The following CDH12 variants were observed in gnomAD, a reference collection of about 807,000 sequenced individuals.
The protein encoded by CDH12 is cadherin 12.
In CDH12, 41 loss-of-function variants were observed where a neutral mutation model predicts 74.1. That is an observed-to-expected ratio of 0.55 (90% confidence interval 0.43 to 0.72). CDH12 has a LOEUF of 0.72. Ranked by LOEUF, CDH12 falls within the 30% of genes least tolerant of loss-of-function variation. The probability of loss-of-function intolerance (pLI) is 0.00; values close to 1 mark genes in which losing one functional copy is unlikely to be tolerated. For synonymous variants in CDH12, 399 were observed against 355.0 expected (o/e 1.12, Z -1.39); for missense variants, 945 against 977.2 (o/e 0.97, Z 0.44).
intron 6 of CDH12, among the ~76,000 whole-genome samples, chr5:21,919,818 G>GA (rs1754271245): frequency 6.6e-6 from 1 of 152,130 alleles, no homozygotes; most frequent in African/African-American, 2.4e-5. Flanking sequence ...ATTCAGCATT[G>GA]ACAGACCTTC....
chr5:22,417,505 G>A (rs1321545596), intron 2 of CDH12, among the ~76,000 whole-genome samples: 2 of 152,188 alleles, frequency 1.3e-5, no homozygotes, highest in African/African-American at 4.8e-5. Flanking sequence ...GTAGCAAGAA[G>A]GCCCTCGCCA....
At chr5:22,321,814 C>T (rs979998575) in intron 3 of CDH12, among the ~76,000 whole-genome samples, 1 of 151,932 alleles carries the variant, frequency 6.6e-6, no homozygotes, top group Non-Finnish European at 1.5e-5. Flanking sequence ...TCCAGAATAG[C>T]AAGCAGCAAC....
intron 4 of CDH12, among the ~76,000 whole-genome samples, chr5:22,185,430 T>C (rs1232379218): frequency 6.6e-6 from 1 of 152,044 alleles, no homozygotes; most frequent in East Asian, 1.9e-4. Flanking sequence ...GATTCACATA[T>C]CAAGGCATGT....
At chr5:21,951,969 A>C (rs1272648661) in intron 6 of CDH12, among the ~76,000 whole-genome samples, 2 of 152,182 alleles carry the variant, frequency 1.3e-5, no homozygotes, top group Non-Finnish European at 2.9e-5. Flanking sequence ...AGGAAAAGAC[A>C]ATGGAGAAGC....
chr5:22,644,059 CCTT>C (rs1739307227), intron 1 of CDH12, among the ~76,000 whole-genome samples: 1 of 152,006 alleles, frequency 6.6e-6, no homozygotes, highest in Non-Finnish European at 1.5e-5. Flanking sequence ...CATTCCCTGT[CCTT>C]CTTCCTCTCC....
At chr5:22,485,666 T>C (rs1746562426) in intron 2 of CDH12, among the ~76,000 whole-genome samples, 1 of 152,198 alleles carries the variant, frequency 6.6e-6, no homozygotes, top group Non-Finnish European at 1.5e-5. Context: ...GTTTACAACA[T>C]AGCTTTAAGT....
chr5:21,929,094 A>T (rs975766510), intron 6 of CDH12, among the ~76,000 whole-genome samples: 1 of 151,922 alleles, frequency 6.6e-6, no homozygotes, highest in Non-Finnish European at 1.5e-5. Context: ...GGGAAGTGGG[A>T]GGCCAAATAT....
At position 22,684,158 on chromosome 5, in the gene CDH12, A is replaced by AT. The variant is rs200522308; in HGVS notation, c.-523+168899dup. Among the ~76,000 whole-genome samples the AT allele has an allele frequency of 9.1e-3, 1,382 of 151,786 alleles. 10 individuals carry two copies. The highest frequency in any genetic ancestry group is 0.013 in the Non-Finnish European group (916 of 67,920). On this transcript the variant is annotated intron_variant, in intron 1 of 14. Transcript: ENST00000382254. ...CTTTTTAAAAAATACTCTTTAAATC[A>AT]TTTTTTTTCCTAATTTTTGAGGGTA...
At chr5:22,716,406 A>G (rs1743579730) in intron 1 of CDH12, among the ~76,000 whole-genome samples, 1 of 146,232 alleles carries the variant, frequency 6.8e-6, no homozygotes, top group South Asian at 2.2e-4. Flanking sequence ...TGCTGCTGTC[A>G]TAACTTGCTG....
chr5:22,019,794 GATAA>G (rs1737845243), intron 5 of CDH12, among the ~76,000 whole-genome samples: 1 of 152,154 alleles, frequency 6.6e-6, no homozygotes, highest in Non-Finnish European at 1.5e-5. Context: ...GCATTCTTTG[GATAA>G]AACCATCAAT....
chr5:22,725,911 T>G (rs770091347), intron 1 of CDH12, among the ~76,000 whole-genome samples: 12 of 151,790 alleles, frequency 7.9e-5, no homozygotes, highest in Non-Finnish European at 1.5e-4. Flanking sequence ...TCCACTTTTA[T>G]TTTTAAATGA....
At chr5:22,724,669 T>C (rs1022420071) in intron 1 of CDH12, among the ~76,000 whole-genome samples, 3 of 151,916 alleles carry the variant, frequency 2.0e-5, no homozygotes, top group African/African-American at 7.2e-5. Context: ...ATCTTTTCAA[T>C]TGTGAATTGT....
intron 8 of CDH12, among the ~76,000 whole-genome samples, chr5:21,823,949 T>C (rs1748515701): frequency 6.6e-6 from 1 of 152,148 alleles, no homozygotes; most frequent in African/African-American, 2.4e-5. Context: ...TTTTCTTGGA[T>C]GAAGACAATG....
At chr5:22,491,411 C>A (rs757079979) in intron 2 of CDH12, among the ~76,000 whole-genome samples, 2 of 151,898 alleles carry the variant, frequency 1.3e-5, no homozygotes, top group Non-Finnish European at 2.9e-5. Flanking sequence ...TATTTGGATT[C>A]CATTTAAGTA....
At chr5:22,565,137 C>G (rs780443562) in intron 1 of CDH12, among the ~76,000 whole-genome samples, 17 of 152,086 alleles carry the variant, frequency 1.1e-4, no homozygotes, top group Admixed American at 6.5e-4. Flanking sequence ...GGTTTCACCA[C>G]GTTGGCCAAG....
At chr5:22,656,911 A>G (rs1740067278) in intron 1 of CDH12, among the ~76,000 whole-genome samples, 1 of 152,116 alleles carries the variant, frequency 6.6e-6, no homozygotes, top group South Asian at 2.1e-4. Context: ...AACACAGCTC[A>G]GTGCAGCCTT....
intron 4 of CDH12, among the ~76,000 whole-genome samples, chr5:22,117,318 A>C (rs2150268651): frequency 6.7e-6 from 1 of 149,126 alleles, no homozygotes; most frequent in South Asian, 2.1e-4. Flanking sequence ...AGTGACTTGA[A>C]TAAACATACG....
intron 2 of CDH12, among the ~76,000 whole-genome samples, chr5:22,417,131 A>G (rs1743427832): frequency 6.6e-6 from 1 of 152,240 alleles, no homozygotes. Flanking sequence ...TATTTAAAAC[A>G]ATAATAAACC....
At chr5:22,451,584 T>G (rs1421942698) in intron 2 of CDH12, among the ~76,000 whole-genome samples, 1 of 152,070 alleles carries the variant, frequency 6.6e-6, no homozygotes, top group East Asian at 1.9e-4. Context: ...AAAGGCCACA[T>G]ATGACAAAAC....
Sources: allele counts gnomAD v4.1 joint callset (sites outside exome capture counted in the v4.1 genomes callset), GRCh38; gene constraint gnomAD v4.1.1; transcripts MANE v1.5; gene names NCBI Gene and HGNC (gene_info 2026-07-23, HGNC 2026-07-21).